Variants in SPON1 observed in about 807,000 individuals in gnomAD.
The protein encoded by SPON1 is spondin-1.
SPON1 carries 52 observed loss-of-function variants against 111.7 expected under a neutral mutation model. The observed-to-expected ratio is 0.47, with a 90% confidence interval of 0.37 to 0.59. SPON1 has a LOEUF of 0.59. SPON1 is among the 20% of genes least tolerant of loss of function. The pLI, the probability that SPON1 is intolerant of heterozygous loss-of-function variation, is 0.00. For synonymous variants in SPON1, 410 were observed against 395.8 expected (o/e 1.04, Z -0.43); for missense variants, 957 against 1,068.5 (o/e 0.90, Z 1.46).
intron 6 of SPON1, among the ~76,000 whole-genome samples, chr11:14,231,505 A>G (rs1284311635): frequency 1.3e-5 from 2 of 152,192 alleles, no homozygotes; most frequent in Non-Finnish European, 2.9e-5. Flanking sequence ...AAGGTTACAC[A>G]GTGACAATCC....
At chr11:14,165,737 C>T (rs1216274942) in intron 6 of SPON1, among the ~76,000 whole-genome samples, 1 of 152,194 alleles carries the variant, frequency 6.6e-6, no homozygotes, top group Non-Finnish European at 1.5e-5. Flanking sequence ...ATTTTTCTGT[C>T]TCCAGTCCCC....
At chr11:14,098,697 A>AGGGGAAGAGAGACAGAG (rs1373981948) in intron 5 of SPON1, among the ~76,000 whole-genome samples, 9 of 151,804 alleles carry the variant, frequency 5.9e-5, no homozygotes, top group African/African-American at 2.2e-4. Flanking sequence ...AGAGAATAGG[A>AGGGGAAGAGAGACAGAG]GGGGAAGAGA....
chr11:14,073,842 A>G (rs1201626748), intron 3 of SPON1, among the ~76,000 whole-genome samples: 6 of 152,138 alleles, frequency 3.9e-5, no homozygotes, highest in Admixed American at 6.5e-5. Context: ...ACCCCCAACT[A>G]TTTGTTGAAA....
At chr11:14,037,529 G>A (rs201696674) in intron 2 of SPON1, among the ~76,000 whole-genome samples, 55 of 146,990 alleles carry the variant, frequency 3.7e-4, no homozygotes, top group Non-Finnish European at 4.6e-4. Flanking sequence ...TCCACATGTA[G>A]AAAAAAAAAA....
At chr11:14,155,747 G>C (rs2133870640) in intron 6 of SPON1, among the ~76,000 whole-genome samples, 1 of 133,370 alleles carries the variant, frequency 7.5e-6, no homozygotes, top group East Asian at 2.5e-4. Context: ...GAGAATATGT[G>C]GTGTTTGGTT....
At chr11:14,163,913 T>A (rs782130857) in intron 6 of SPON1, among the ~76,000 whole-genome samples, 10 of 151,948 alleles carry the variant, frequency 6.6e-5, no homozygotes, top group Non-Finnish European at 2.9e-5. Context: ...AGTTGTCCCC[T>A]TGTTTATAGT....
chr11:14,080,700 G>A (rs1554921981), intron 5 of SPON1, among the ~76,000 whole-genome samples: 1 of 152,168 alleles, frequency 6.6e-6, no homozygotes, highest in African/African-American at 2.4e-5. Flanking sequence ...TGACTCTATA[G>A]GTCAAGGTCA....
chr11:14,005,379 A>G (rs150956558), intron 2 of SPON1, among the ~76,000 whole-genome samples: 2 of 152,296 alleles, frequency 1.3e-5, no homozygotes, highest in African/African-American at 4.8e-5. Context: ...GCTTCTCTAA[A>G]TGATGCACTC....
At chr11:14,101,539 T>C (rs868990097) in intron 5 of SPON1, among the ~76,000 whole-genome samples, 26 of 152,276 alleles carry the variant, frequency 1.7e-4, no homozygotes, top group Middle Eastern at 3.4e-3. Context: ...CCTCCTTTTT[T>C]CTCTTTCTGA....
chr11:14,217,720 A>G (rs1372707095), intron 6 of SPON1, among the ~76,000 whole-genome samples: 1 of 152,188 alleles, frequency 6.6e-6, no homozygotes, highest in Admixed American at 6.5e-5. Context: ...TAGGCAAAAT[A>G]TTGAGATCTC....
At chr11:13,995,616 T>C (rs1481759223) in intron 2 of SPON1, among the ~76,000 whole-genome samples, 1 of 152,138 alleles carries the variant, frequency 6.6e-6, no homozygotes, top group Non-Finnish European at 1.5e-5. Context: ...ACATGGGGAT[T>C]AAAATTTGAG....
intron 5 of SPON1, among the ~76,000 whole-genome samples, chr11:14,134,706 G>A (rs1306565163): frequency 9.2e-5 from 14 of 152,138 alleles, no homozygotes; most frequent in Admixed American, 3.9e-4. Flanking sequence ...CTCCAACTGT[G>A]CTCTCTCCAA....
intron 1 of SPON1, among the ~76,000 whole-genome samples, chr11:13,981,881 A>G (rs1243074689): frequency 2.0e-5 from 3 of 152,138 alleles, no homozygotes; most frequent in Non-Finnish European, 4.4e-5. Flanking sequence ...TGGACCCTGC[A>G]TTAAGCAGGC....
chr11:14,224,743 A>G (rs1191670991), intron 6 of SPON1: 1 of 506,410 alleles, frequency 2.0e-6, no homozygotes, highest in Non-Finnish European at 3.9e-6. Flanking sequence ...CATAAGGGTG[A>G]AAGACTGAGG....
chr11:14,225,346 A>G (rs1848725516), intron 6 of SPON1, among the ~76,000 whole-genome samples: 1 of 152,118 alleles, frequency 6.6e-6, no homozygotes. Context: ...TATACGGAAA[A>G]ATTTATTATA....
At chr11:14,076,030 C>T (rs1280809334) in intron 4 of SPON1, among the ~76,000 whole-genome samples, 4 of 152,244 alleles carry the variant, frequency 2.6e-5, no homozygotes, top group East Asian at 3.9e-4. Flanking sequence ...GGCCCAGGTT[C>T]GGATCTGCCT....
intron 1 of SPON1, among the ~76,000 whole-genome samples, chr11:13,975,238 A>G (rs1848093529): frequency 6.6e-6 from 1 of 152,100 alleles, no homozygotes; most frequent in South Asian, 2.1e-4. Context: ...CTGTGTCTCC[A>G]GGGATGTAGC....
intron 5 of SPON1, among the ~76,000 whole-genome samples, chr11:14,113,689 G>A (rs1324053121): frequency 7.5e-6 from 1 of 132,854 alleles, no homozygotes; most frequent in Non-Finnish European, 1.5e-5. Context: ...TGCAAGCTCC[G>A]CCTCCCGGGT....
intron 6 of SPON1, among the ~76,000 whole-genome samples, chr11:14,212,148 C>A (rs1210498619): frequency 1.3e-5 from 2 of 150,948 alleles, no homozygotes; most frequent in Non-Finnish European, 2.9e-5. Flanking sequence ...CTTTAGTAAC[C>A]TTCCTTAAGA....
Sources: allele counts gnomAD v4.1 joint callset (sites outside exome capture counted in the v4.1 genomes callset), GRCh38; gene constraint gnomAD v4.1.1; transcripts MANE v1.5; gene names NCBI Gene and HGNC (gene_info 2026-07-23, HGNC 2026-07-21).